Variants in GNA14 observed in about 807,000 individuals in gnomAD.
GNA14 encodes guanine nucleotide-binding protein subunit alpha-14.
GNA14 carries 50 observed loss-of-function variants against 42.0 expected under a neutral mutation model. The observed-to-expected ratio is 1.19, with a 90% confidence interval of 0.95 to 1.51. GNA14 has a LOEUF of 1.51. Ranked by LOEUF, GNA14 falls within the 40% of genes most tolerant of loss-of-function variation. The probability of loss-of-function intolerance (pLI) is 0.00; values close to 1 mark genes in which losing one functional copy is unlikely to be tolerated. For missense variants in GNA14, 473 were observed against 446.2 expected, an observed-to-expected ratio of 1.06 and a Z score of -0.54; for synonymous variants, 173 against 163.1, an observed-to-expected ratio of 1.06 and a Z score of -0.46.
At chr9:77,645,997 ACGTATTCCTC>A (rs762956160) in intron 1 of GNA14, among the ~76,000 whole-genome samples, 143 of 152,336 alleles carry the variant, frequency 9.4e-4, no homozygotes, top group Non-Finnish European at 9.4e-4. Context: ...GCAAATTCTC[ACGTATTCCTC>A]CTCCCTTGAC....
intron 1 of GNA14, among the ~76,000 whole-genome samples, chr9:77,535,693 C>T (rs1668278610): frequency 6.6e-6 from 1 of 152,128 alleles, no homozygotes; most frequent in Non-Finnish European, 1.5e-5. Flanking sequence ...GATTCTTGGG[C>T]CCCTTGTCAG....
At chr9:77,437,544 A>AAGAGAAAGAGAG (rs148042513) in intron 2 of GNA14, among the ~76,000 whole-genome samples, 3 of 151,358 alleles carry the variant, frequency 2.0e-5, no homozygotes, top group Non-Finnish European at 4.4e-5. Context: ...CTGTATAAGA[A>AAGAGAAAGAGAG]AGAGAAAGAG....
chr9:77,586,733 G>A (rs1823309799), intron 1 of GNA14, among the ~76,000 whole-genome samples: 1 of 152,162 alleles, frequency 6.6e-6, no homozygotes, highest in African/African-American at 2.4e-5. Flanking sequence ...TACATAGTGC[G>A]TGAAGAAGCT....
intron 1 of GNA14, among the ~76,000 whole-genome samples, chr9:77,559,182 G>C (rs1022886228): frequency 6.6e-6 from 1 of 152,116 alleles, no homozygotes; most frequent in African/African-American, 2.4e-5. Flanking sequence ...AATGCCTCTT[G>C]CTTCCTGATT....
chr9:77,591,751 C>T (rs924142856), intron 1 of GNA14, among the ~76,000 whole-genome samples: 1 of 152,146 alleles, frequency 6.6e-6, no homozygotes, highest in African/African-American at 2.4e-5. Context: ...CCTTTATCAG[C>T]TCTCCATTCT....
chr9:77,622,731 C>A (rs1394385219), intron 1 of GNA14, among the ~76,000 whole-genome samples: 89 of 122,690 alleles, frequency 7.3e-4, no homozygotes, highest in African/African-American at 9.1e-4. Context: ...ACTAAAAATA[C>A]AAAAAAAAGA....
At chr9:77,436,373 C>T (rs1764520601) in intron 2 of GNA14, among the ~76,000 whole-genome samples, 1 of 152,134 alleles carries the variant, frequency 6.6e-6, no homozygotes, top group Non-Finnish European at 1.5e-5. Context: ...CCAGGGGTAC[C>T]TGAATTATAA....
At chr9:77,595,276 A>G (rs1378595790) in intron 1 of GNA14, among the ~76,000 whole-genome samples, 1 of 152,210 alleles carries the variant, frequency 6.6e-6, no homozygotes, top group East Asian at 1.9e-4. Flanking sequence ...CAAGGAATTG[A>G]GGAGACTAGG....
intron 2 of GNA14, among the ~76,000 whole-genome samples, chr9:77,511,004 A>G (rs990595211): frequency 6.6e-6 from 1 of 151,394 alleles, no homozygotes; most frequent in African/African-American, 2.4e-5. Flanking sequence ...GCCCAGTTAG[A>G]GTTGGATCTC....
chr9:77,423,916 C>T lies in GNA14; in HGVS notation c.*63G>A. 1.6e-6 allele frequency: 2 copies of T among 1,240,452 alleles called. No individual in the cohort carries two copies. The highest frequency in any genetic ancestry group is 4.9e-5 in the East Asian group (2 of 40,946). 76.8% of individuals were successfully genotyped at this position (1,240,452 alleles called of 1,614,324 possible). A position where few individuals can be genotyped will look rare whatever the true frequency, so the allele number is the denominator to read the frequency against. ...GCTCTGGTGATGTCAGAAGCACTTGCAAATAAAACAAGGAGTTTGCAAATC... is the reference window on the plus strand; with the variant it reads ...GCTCTGGTGATGTCAGAAGCACTTGTAAATAAAACAAGGAGTTTGCAAATC... On this transcript the variant is annotated 3_prime_UTR_variant, in exon 7 of 7. Coordinates refer to ENST00000341700, the MANE Select transcript of GNA14 (RefSeq NM_004297.4).
chr9:77,645,302 C>G (rs989661303), intron 1 of GNA14, among the ~76,000 whole-genome samples: 1 of 152,140 alleles, frequency 6.6e-6, no homozygotes, highest in Non-Finnish European at 1.5e-5. Context: ...ATTTTTCACT[C>G]GAATTGCATG....
chr9:77,426,285 C>A (rs12352871), intron 5 of GNA14, among the ~76,000 whole-genome samples: 1 of 151,612 alleles, frequency 6.6e-6, no homozygotes, highest in Non-Finnish European at 1.5e-5. Flanking sequence ...TGATGGGTGA[C>A]CATACTGTTG....
chr9:77,477,085 G>A (rs1047409775), intron 2 of GNA14, among the ~76,000 whole-genome samples: 3 of 152,194 alleles, frequency 2.0e-5, no homozygotes, highest in Non-Finnish European at 4.4e-5. Context: ...GGCCAGGCAC[G>A]GTAGCTCTCA....
At chr9:77,438,970 G>A (rs1420921820) in intron 2 of GNA14, among the ~76,000 whole-genome samples, 1 of 152,206 alleles carries the variant, frequency 6.6e-6, no homozygotes. Flanking sequence ...CTCATCCAAA[G>A]TTTGCCAGTT....
At chr9:77,482,048 C>T (rs1836562773) in intron 2 of GNA14, among the ~76,000 whole-genome samples, 2 of 152,166 alleles carry the variant, frequency 1.3e-5, no homozygotes, top group South Asian at 2.1e-4. Flanking sequence ...AGCCCATTTA[C>T]ATTTAAAGTT....
chr9:77,579,755 G>A (rs921225131), intron 1 of GNA14, among the ~76,000 whole-genome samples: 2 of 152,106 alleles, frequency 1.3e-5, no homozygotes, highest in African/African-American at 4.8e-5. Context: ...TAAGTCAATG[G>A]CAAGTCCTAA....
At chr9:77,490,128 T>C (rs1048424497) in intron 2 of GNA14, among the ~76,000 whole-genome samples, 5 of 152,176 alleles carry the variant, frequency 3.3e-5, no homozygotes, top group Non-Finnish European at 5.9e-5. Flanking sequence ...TGCTGATTGG[T>C]GTATTTACAA....
At chr9:77,467,000 G>GGGGT (rs139009305) in intron 2 of GNA14, among the ~76,000 whole-genome samples, 6 of 143,506 alleles carry the variant, frequency 4.2e-5, no homozygotes, top group South Asian at 2.3e-4. Flanking sequence ...TTTACCACTC[G>GGGGT]GTGTGTGTGT....
intron 5 of GNA14, among the ~76,000 whole-genome samples, chr9:77,426,117 T>G (rs888731202): frequency 6.6e-6 from 1 of 152,090 alleles, no homozygotes; most frequent in Admixed American, 6.6e-5. Flanking sequence ...CCACCTCAGT[T>G]GGTTATGGGC....
Sources: gnomAD v4.1 joint callset for allele counts (sites outside exome capture counted in the v4.1 genomes callset) on GRCh38, gnomAD v4.1.1 for gene constraint, MANE v1.5 for transcripts, NCBI Gene and HGNC (gene_info 2026-07-23, HGNC 2026-07-21) for gene names.